The following DPYD variants were observed in gnomAD, a reference collection of about 807,000 sequenced individuals.
The protein encoded by DPYD is dihydropyrimidine dehydrogenase, also known as dihydropyrimidine dehydrogenase [NADP(+)].
In DPYD, 109 loss-of-function variants were observed where a neutral mutation model predicts 116.2. The ratio of observed to expected loss-of-function variants is 0.94; its 90% CI spans 0.80 to 1.10. The LOEUF is 1.10. Among genes scored for constraint, DPYD ranks in the 50% least tolerant of loss-of-function variants. The probability of loss-of-function intolerance (pLI) is 0.00; values close to 1 mark genes in which losing one functional copy is unlikely to be tolerated. For missense variants in DPYD, 1,302 were observed against 1,254.5 expected, an observed-to-expected ratio of 1.04 and a Z score of -0.57; for synonymous variants, 440 against 432.0, an observed-to-expected ratio of 1.02 and a Z score of -0.23.
At chr1:97,221,906 T>C (rs1183014148) in intron 19 of DPYD, among the ~76,000 whole-genome samples, 1 of 151,890 alleles carries the variant, frequency 6.6e-6, no homozygotes, top group African/African-American at 2.4e-5. Context: ...ATATAAAGAG[T>C]AGTTACTACA....
rs201925475 is a variant in DPYD at position 97,661,805 on chromosome 1, G to A, written c.850+17290C>T. ...ATGTTAATTAATGTTAAGGAAATTT[G>A]CTTTTTAAAACTCCCCAATCTAATA... On this transcript the variant is annotated intron_variant, in intron 8 of 22. Coordinates refer to ENST00000370192, the MANE Select transcript of DPYD (RefSeq NM_000110.4). 2.0e-5 allele frequency among the ~76,000 whole-genome samples: 3 copies of A among 151,648 alleles called. No individual in the cohort carries two copies. The East Asian group carries it at 5.8e-4, about 29-fold the overall frequency.
At chr1:97,117,033 G>C (rs1652028675) in intron 20 of DPYD, among the ~76,000 whole-genome samples, 1 of 151,426 alleles carries the variant, frequency 6.6e-6, no homozygotes, top group Admixed American at 6.6e-5. Flanking sequence ...GCATAGTGGT[G>C]TGTATCTGTA....
At chr1:97,662,266 T>C (rs1300517998) in intron 8 of DPYD, among the ~76,000 whole-genome samples, 3 of 151,686 alleles carry the variant, frequency 2.0e-5, no homozygotes, top group African/African-American at 4.8e-5. Context: ...CCTCCCAAAA[T>C]GCTGGGATTA....
chr1:97,759,240 C>A (rs1298336470), intron 3 of DPYD, among the ~76,000 whole-genome samples: 1 of 152,128 alleles, frequency 6.6e-6, no homozygotes, highest in East Asian at 1.9e-4. Flanking sequence ...CACTAAATAT[C>A]TTAAAGTTCT....
chr1:97,707,585 T>C (rs1001701373), intron 5 of DPYD, among the ~76,000 whole-genome samples: 13 of 151,920 alleles, frequency 8.6e-5, no homozygotes, highest in Non-Finnish European at 1.5e-4. Flanking sequence ...AGAATGATGA[T>C]TTCCAATTTC....
chr1:97,219,529 G>T (rs543644392), intron 19 of DPYD, among the ~76,000 whole-genome samples: 1 of 152,266 alleles, frequency 6.6e-6, no homozygotes, highest in African/African-American at 2.4e-5. Flanking sequence ...ATGAATTTGA[G>T]TTGATAAAGG....
intron 20 of DPYD, among the ~76,000 whole-genome samples, chr1:97,140,926 G>T (rs996654292): frequency 6.6e-6 from 1 of 152,134 alleles, no homozygotes; most frequent in African/African-American, 2.4e-5. Flanking sequence ...CTATAATACT[G>T]TTTTTTCCCA....
At chr1:97,654,815 G>A (rs570925782) in intron 8 of DPYD, among the ~76,000 whole-genome samples, 2 of 152,278 alleles carry the variant, frequency 1.3e-5, no homozygotes, top group Non-Finnish European at 2.9e-5. Flanking sequence ...AAAGAAAAAT[G>A]GAATCGCAGT....
chr1:97,315,345 T>A (rs1667762267), intron 16 of DPYD, among the ~76,000 whole-genome samples: 1 of 151,932 alleles, frequency 6.6e-6, no homozygotes, highest in Non-Finnish European at 1.5e-5. Context: ...GTCTAGCTAT[T>A]TCCGGTGAAT....
chr1:97,384,008 C>T (rs1020345843), intron 14 of DPYD, among the ~76,000 whole-genome samples: 2 of 152,006 alleles, frequency 1.3e-5, no homozygotes, highest in African/African-American at 4.8e-5. Context: ...ACTCAGGAAG[C>T]TGAGATGGGA....
intron 1 of DPYD, among the ~76,000 whole-genome samples, chr1:97,909,545 T>G (rs897455203): frequency 2.0e-5 from 3 of 152,082 alleles, no homozygotes; most frequent in Middle Eastern, 3.2e-3. Context: ...TTATTAGGCT[T>G]CTTTCCCCAA....
chr1:97,386,451 C>T lies in DPYD; in HGVS notation c.1906-3990G>A, dbSNP rs557545761. On this transcript the variant is annotated intron_variant, in intron 14 of 22. Coordinates refer to ENST00000370192, the MANE Select transcript of DPYD (RefSeq NM_000110.4). ...ACAAACACACAGGATGGAGAGAGAT[C>T]CCCTTTGCAGCCACTTTTAAGGCTG... 6.1e-4 allele frequency among the ~76,000 whole-genome samples: 93 copies of T among 152,118 alleles called. 1 individual carries two copies. In the South Asian group the frequency reaches 0.019, roughly 31 times the overall value.
chr1:97,270,111 G>C (rs1520668), intron 18 of DPYD, among the ~76,000 whole-genome samples: 9,325 of 152,150 alleles, frequency 0.061, 666 homozygotes, highest in East Asian at 0.16. Flanking sequence ...CATTCCAGCA[G>C]AGTGGCATAT....
At chr1:97,403,928 A>G (rs919546585) in intron 14 of DPYD, among the ~76,000 whole-genome samples, 1 of 152,016 alleles carries the variant, frequency 6.6e-6, no homozygotes, top group African/African-American at 2.4e-5. Context: ...TATGCACTCA[A>G]TGATATAAAT....
chr1:97,414,151 C>T (rs1674162804), intron 14 of DPYD, among the ~76,000 whole-genome samples: 2 of 152,038 alleles, frequency 1.3e-5, no homozygotes, highest in African/African-American at 4.8e-5. Flanking sequence ...AACACACACA[C>T]ACATATTAAA....
At chr1:97,152,610 A>G (rs1655113736) in intron 20 of DPYD, among the ~76,000 whole-genome samples, 1 of 151,134 alleles carries the variant, frequency 6.6e-6, no homozygotes, top group Admixed American at 6.6e-5. Flanking sequence ...AATATACCAT[A>G]TATAGTACTT....
intron 12 of DPYD, among the ~76,000 whole-genome samples, chr1:97,525,758 T>TAGAGAGAG (rs58098297): frequency 0.14 from 14,900 of 108,368 alleles, 1,338 homozygotes; most frequent in East Asian, 0.21. Context: ...CCTGGGTAAT[T>TAGAGAGAG]AGAGAGAGAG....
At chr1:97,129,920 T>A (rs1235348198) in intron 20 of DPYD, among the ~76,000 whole-genome samples, 1 of 152,232 alleles carries the variant, frequency 6.6e-6, no homozygotes, top group Non-Finnish European at 1.5e-5. Context: ...TTACACAGAA[T>A]GTTGGTTTTG....
chr1:97,091,832 C>A (rs920084648), intron 21 of DPYD, among the ~76,000 whole-genome samples: 9 of 152,142 alleles, frequency 5.9e-5, no homozygotes, highest in Non-Finnish European at 7.4e-5. Flanking sequence ...CTTGTTTCTG[C>A]CCTTGCCCCT....
Sources: allele counts gnomAD v4.1 joint callset (sites outside exome capture counted in the v4.1 genomes callset), GRCh38; gene constraint gnomAD v4.1.1; transcripts MANE v1.5; gene names NCBI Gene and HGNC (gene_info 2026-07-23, HGNC 2026-07-21).